Variants in MACROH2A1 observed in about 807,000 individuals in gnomAD.
MACROH2A1 encodes the protein core histone macro-H2A.1.
A neutral mutation model predicts 31.6 loss-of-function variants in MACROH2A1; 2 were observed. The observed-to-expected ratio is 0.06, with a 90% confidence interval of 0.03 to 0.20. The LOEUF (loss-of-function observed/expected upper bound fraction) is 0.20, where lower values mean the gene tolerates loss of function less well. Ranked by LOEUF, MACROH2A1 falls within the 10% of genes least tolerant of loss-of-function variation. MACROH2A1 has a pLI of 1.00. For missense variants in MACROH2A1, 230 were observed against 474.0 expected, an observed-to-expected ratio of 0.49 and a Z score of 4.78; for synonymous variants, 169 against 189.6, an observed-to-expected ratio of 0.89 and a Z score of 0.89.
intron 6 of MACROH2A1, among the ~76,000 whole-genome samples, chr5:135,350,017 G>A (rs1433791392): frequency 1.3e-5 from 2 of 152,048 alleles, no homozygotes; most frequent in Non-Finnish European, 2.9e-5. Context: ...TATCACACAT[G>A]GGTGCCTCCC....
chr5:135,399,278 G>C (rs1250170456), upstream of MACROH2A1: 1 of 151,770 alleles, frequency 6.6e-6, no homozygotes, highest in Non-Finnish European at 1.5e-5. This position sits in a 1 kb window ranked among gnomAD's most constrained non-coding sequence, Gnocchi z 4.5. Context: ...CGCGCCGCTC[G>C]TCACATCCCT....
intron 1 of MACROH2A1, among the ~76,000 whole-genome samples, chr5:135,391,156 G>A (rs1298002970): frequency 6.6e-6 from 1 of 152,252 alleles, no homozygotes; most frequent in Non-Finnish European, 1.5e-5. Flanking sequence ...ATGTGTATAT[G>A]TATGTGTGCC....
chr5:135,359,454 G>A (rs1260367209), intron 5 of MACROH2A1: 1 of 984,168 alleles, frequency 1.0e-6, no homozygotes, highest in Non-Finnish European at 1.2e-6. Context: ...TTTTTCTTTT[G>A]AAAAATGCAT....
At chr5:135,356,611 G>A (rs1348752264) in intron 5 of MACROH2A1, 2 of 152,084 alleles carry the variant, frequency 1.3e-5, no homozygotes, top group African/African-American at 4.8e-5. Flanking sequence ...TTGAGCCCTG[G>A]GCCTGGCTTG....
rs893762450 is a variant in MACROH2A1 at position 135,398,423 on chromosome 5, A to T, written c.-34+639T>A. Among the ~76,000 whole-genome samples, 7 of 152,106 alleles carry T rather than the reference A, an allele frequency of 4.6e-5. No individual in the cohort carries two copies. In the South Asian group the frequency reaches 1.0e-3, roughly 23 times the overall value. The stretch of plus-strand genomic sequence containing the variant: ...GGCTGATACCGAGACAATCGGGAGC[A>T]GCGGGGGTTCCCGTGGCCCCTCTCC... On this transcript the variant is annotated intron_variant, in intron 1 of 8. Transcript: ENST00000511689. This position sits in a 1 kb window ranked among gnomAD's most constrained non-coding sequence, Gnocchi z 4.6.
At chr5:135,345,788 C>G (rs1581158766) in intron 7 of MACROH2A1, 180 bp downstream of exon 7, 1 of 553,844 alleles carries the variant, frequency 1.8e-6, no homozygotes, top group Non-Finnish European at 3.2e-6. Context: ...AGGTGATTTT[C>G]CCAGACAACC....
intron 8 of MACROH2A1, among the ~76,000 whole-genome samples, chr5:135,340,829 T>TGAAA (rs1454660004): frequency 6.6e-6 from 1 of 152,358 alleles, no homozygotes; most frequent in Admixed American, 6.5e-5. Context: ...TTTTTACTCA[T>TGAAA]GAAAGAGAGG....
chr5:135,395,865 G>A (rs1422387251), intron 1 of MACROH2A1, among the ~76,000 whole-genome samples: 2 of 152,104 alleles, frequency 1.3e-5, no homozygotes, highest in Admixed American at 6.5e-5. Flanking sequence ...GTGAACTAGG[G>A]GACTGCAAAC....
At chr5:135,342,680 C>A (rs185159817) in intron 8 of MACROH2A1, among the ~76,000 whole-genome samples, 1 of 152,184 alleles carries the variant, frequency 6.6e-6, no homozygotes, top group Admixed American at 6.5e-5. Flanking sequence ...TTCAATCTCA[C>A]GTAATTCCCC....
At chr5:135,359,204 C>T in intron 5 of MACROH2A1, 1 of 985,366 alleles carries the variant, frequency 1.0e-6, no homozygotes. Context: ...TGCCTAAGGG[C>T]AGAGTGGGGA....
chr5:135,343,563 G>T, intron 7 of MACROH2A1, 129 bp from the exon 8 acceptor site: 1 of 1,378,016 alleles, frequency 7.3e-7, no homozygotes, highest in Non-Finnish European at 9.8e-7. Context: ...TGTCCGAGGA[G>T]TTCCACAGCT....
intron 2 of MACROH2A1, among the ~76,000 whole-genome samples, chr5:135,370,492 C>T (rs538306139): frequency 2.0e-5 from 3 of 152,166 alleles, no homozygotes; most frequent in Non-Finnish European, 4.4e-5. Context: ...CAGATGTCAC[C>T]AGGGCCAAAC....
At chr5:135,351,505 C>T (rs2149771668) in intron 6 of MACROH2A1, 1 of 148,428 alleles carries the variant, frequency 6.7e-6, no homozygotes, top group East Asian at 1.9e-4. Flanking sequence ...TTTTCCAGGC[C>T]CATCTCTTAC....
At chr5:135,391,583 A>G (rs571724734) in intron 1 of MACROH2A1, among the ~76,000 whole-genome samples, 1 of 152,308 alleles carries the variant, frequency 6.6e-6, no homozygotes, top group African/African-American at 2.4e-5. Context: ...TGCCAGTGCA[A>G]CACCTGGCCG....
chr5:135,369,280 A>G lies in MACROH2A1; in HGVS notation c.477+126T>C, dbSNP rs1763895902. The G allele has an allele frequency of 3.7e-6, 3 of 800,484 alleles. No individual in the cohort carries two copies. The highest frequency in any genetic ancestry group is 6.4e-6 in the Non-Finnish European group (3 of 471,328). 49.6% of individuals were successfully genotyped at this position (800,484 alleles called of 1,614,324 possible). Reference sequence around the variant, plus strand: ...CCTCTGGAGAGTAATCAGCTCCTACATGTTCCTCCTTTATTCTCCCATCAG... The same window carrying G: ...CCTCTGGAGAGTAATCAGCTCCTACGTGTTCCTCCTTTATTCTCCCATCAG... On this transcript the variant is annotated intron_variant, in intron 4 of 8. Coordinates refer to ENST00000511689, the MANE Select transcript of MACROH2A1 (RefSeq NM_138610.3). The surrounding 1 kb of genome is among the most constrained non-coding windows in gnomAD (Gnocchi z 4.3).
intron 4 of MACROH2A1, among the ~76,000 whole-genome samples, chr5:135,364,265 A>G (rs1307114093): frequency 6.6e-6 from 1 of 152,224 alleles, no homozygotes; most frequent in Non-Finnish European, 1.5e-5. Context: ...GGGGAAGGAT[A>G]GCATTAGGAG....
At chr5:135,381,430 T>C (rs1291369953) in intron 2 of MACROH2A1, among the ~76,000 whole-genome samples, 4 of 151,794 alleles carry the variant, frequency 2.6e-5, no homozygotes, top group African/African-American at 7.3e-5. Flanking sequence ...AAACTTAAAA[T>C]GAAGAGAAAA....
intron 2 of MACROH2A1, among the ~76,000 whole-genome samples, chr5:135,384,314 G>A (rs1453597939): frequency 2.0e-5 from 3 of 152,242 alleles, no homozygotes; most frequent in African/African-American, 7.2e-5. Context: ...GAGACTGGAA[G>A]TCAAACAAGC....
At chr5:135,368,211 T>G (rs373486353) in intron 4 of MACROH2A1, among the ~76,000 whole-genome samples, 3 of 152,258 alleles carry the variant, frequency 2.0e-5, no homozygotes, top group South Asian at 2.1e-4. Context: ...TGCAAGAAGG[T>G]TGGGGTTCAC....
Sources: allele counts gnomAD v4.1 joint callset (sites outside exome capture counted in the v4.1 genomes callset), GRCh38; gene constraint gnomAD v4.1.1; non-coding constraint Gnocchi (gnomAD v3.1); transcripts MANE v1.5; gene names NCBI Gene and HGNC (gene_info 2026-07-23, HGNC 2026-07-21).